The following KDM4C variants were observed in gnomAD, a reference collection of about 807,000 sequenced individuals.
The protein encoded by KDM4C is lysine-specific demethylase 4C.
In KDM4C, 81 loss-of-function variants were observed where a neutral mutation model predicts 129.3. That is an observed-to-expected ratio of 0.63 (90% CI 0.52 to 0.75). KDM4C has a LOEUF of 0.75. KDM4C is among the 30% of genes least tolerant of loss of function. The pLI is 0.00. For synonymous variants in KDM4C, 573 were observed against 456.1 expected, an observed-to-expected ratio of 1.26 and a Z score of -3.26; for missense variants, 1,457 against 1,304.0, an observed-to-expected ratio of 1.12 and a Z score of -1.81.
At chr9:7,032,333 A>T (rs1026007807) in intron 15 of KDM4C, among the ~76,000 whole-genome samples, 6 of 152,204 alleles carry the variant, frequency 3.9e-5, no homozygotes, top group Non-Finnish European at 7.3e-5. Context: ...ATGGTTGAGG[A>T]TTATGTTACT....
chr9:6,790,221 A>G (rs1203659473), intron 1 of KDM4C, among the ~76,000 whole-genome samples: 1 of 151,512 alleles, frequency 6.6e-6, no homozygotes, highest in African/African-American at 2.4e-5. Context: ...CTTTAAACAA[A>G]TAATGACTAC....
chr9:6,813,416 T>G (rs1831523120), intron 3 of KDM4C, among the ~76,000 whole-genome samples: 1 of 152,246 alleles, frequency 6.6e-6, no homozygotes, highest in South Asian at 2.1e-4. Context: ...ATACAGTTGT[T>G]AAATTAAGTT....
intron 8 of KDM4C, among the ~76,000 whole-genome samples, chr9:6,950,734 G>C (rs1376223930): frequency 6.6e-6 from 1 of 152,140 alleles, no homozygotes; most frequent in African/African-American, 2.4e-5. Flanking sequence ...AAGTTTTCAG[G>C]GAGAGAAAGC....
chr9:6,827,001 G>T (rs1441289619), intron 4 of KDM4C, among the ~76,000 whole-genome samples: 1 of 152,162 alleles, frequency 6.6e-6, no homozygotes, highest in Non-Finnish European at 1.5e-5. Flanking sequence ...GACAGCTCCT[G>T]ATCTTGTGTT....
At position 6,990,401 on chromosome 9, in the gene KDM4C, T is replaced by C; in HGVS notation, c.1678-15T>C. 1 of 1,556,734 alleles carries C rather than the reference T, an allele frequency of 6.4e-7. No homozygotes were observed. Among genetic ancestry groups the C allele is most frequent in the South Asian group, 1.1e-5 (1 of 88,940 alleles). ...TGATAATGGTATTTCTCCACCATTT[T>C]TGTTCTATAACTAGATAGCAGAGGG... On this transcript the variant is annotated splice_polypyrimidine_tract_variant and intron_variant, in intron 11 of 21. Transcript: ENST00000381309.
At chr9:7,035,743 G>A (rs1827534254) in intron 15 of KDM4C, among the ~76,000 whole-genome samples, 1 of 152,136 alleles carries the variant, frequency 6.6e-6, no homozygotes, top group African/African-American at 2.4e-5. Context: ...TGAAGAGACT[G>A]TCAATTCCCT....
intron 19 of KDM4C, among the ~76,000 whole-genome samples, chr9:7,160,470 C>T (rs753898030): frequency 6.6e-6 from 1 of 152,222 alleles, no homozygotes; most frequent in Non-Finnish European, 1.5e-5. Flanking sequence ...GTGGTTTTAT[C>T]TACCTTTGGT....
At chr9:6,922,805 A>C (rs1462584414) in intron 8 of KDM4C, among the ~76,000 whole-genome samples, 1 of 152,220 alleles carries the variant, frequency 6.6e-6, no homozygotes, top group Non-Finnish European at 1.5e-5. Context: ...GACAAATGTC[A>C]CTAAGTTTCT....
At chr9:7,171,590 G>A (rs568036760) in intron 21 of KDM4C, among the ~76,000 whole-genome samples, 1 of 152,082 alleles carries the variant, frequency 6.6e-6, no homozygotes, top group Non-Finnish European at 1.5e-5. Flanking sequence ...TCTAATCGAT[G>A]TATGACTAAG....
intron 1 of KDM4C, among the ~76,000 whole-genome samples, chr9:6,759,911 A>T (rs1326438568): frequency 6.6e-6 from 1 of 151,184 alleles, no homozygotes; most frequent in Non-Finnish European, 1.5e-5. Flanking sequence ...ACTGCACTCC[A>T]GCGTGGGTGA....
At chr9:7,024,954 TGTAAAAGTGTTCCTATTTCTC>T (rs1348368693) in intron 15 of KDM4C, among the ~76,000 whole-genome samples, 1 of 152,202 alleles carries the variant, frequency 6.6e-6, no homozygotes, top group Non-Finnish European at 1.5e-5. Flanking sequence ...CCACCAACAG[TGTAAAAGTGTTCCTATTTCTC>T]CACATCCTCT....
At chr9:7,014,128 C>A in intron 14 of KDM4C, 127 bp downstream of exon 14, 1 of 699,104 alleles carries the variant, frequency 1.4e-6, no homozygotes. Context: ...TTATATCATT[C>A]TTTTTCATAT....
chr9:6,972,849 T>C (rs1832238917), intron 8 of KDM4C, among the ~76,000 whole-genome samples: 1 of 152,258 alleles, frequency 6.6e-6, no homozygotes, highest in African/African-American at 2.4e-5. Flanking sequence ...TGATTATGTT[T>C]AAATTTGGCT....
intron 12 of KDM4C, among the ~76,000 whole-genome samples, chr9:7,010,608 C>T (rs1822508476): frequency 6.6e-6 from 1 of 152,226 alleles, no homozygotes; most frequent in Non-Finnish European, 1.5e-5. Flanking sequence ...ACACTGGGTG[C>T]AGCTTTTATT....
At chr9:6,945,003 A>G (rs1328334544) in intron 8 of KDM4C, among the ~76,000 whole-genome samples, 3 of 152,154 alleles carry the variant, frequency 2.0e-5, no homozygotes, top group Admixed American at 6.5e-5. Flanking sequence ...ATGATTATGC[A>G]GTGATCTTGT....
At chr9:7,024,720 A>G (rs1825503709) in intron 15 of KDM4C, among the ~76,000 whole-genome samples, 1 of 152,076 alleles carries the variant, frequency 6.6e-6, no homozygotes, top group Non-Finnish European at 1.5e-5. Flanking sequence ...CATTTTCTTA[A>G]TCCAGTCTAC....
intron 4 of KDM4C, among the ~76,000 whole-genome samples, chr9:6,822,315 C>G (rs1355040749): frequency 6.6e-6 from 1 of 152,178 alleles, no homozygotes; most frequent in Non-Finnish European, 1.5e-5. Flanking sequence ...TTGTCAGCCC[C>G]TTATATGGAG....
At chr9:7,170,275 G>A (rs752330540) in intron 21 of KDM4C, 19 of 1,075,232 alleles carry the variant, frequency 1.8e-5, no homozygotes, top group East Asian at 8.2e-5. Context: ...AAGGGGACTC[G>A]GCATAATTGA....
At chr9:7,130,685 C>T (rs1439058440) in intron 19 of KDM4C, among the ~76,000 whole-genome samples, 1 of 152,186 alleles carries the variant, frequency 6.6e-6, no homozygotes, top group Non-Finnish European at 1.5e-5. Context: ...GGGCAGGTAC[C>T]ATGGAGTGGC....
Sources: allele counts gnomAD v4.1 joint callset (sites outside exome capture counted in the v4.1 genomes callset), GRCh38; gene constraint gnomAD v4.1.1; transcripts MANE v1.5; gene names NCBI Gene and HGNC (gene_info 2026-07-23, HGNC 2026-07-21).